Variants in DIP2C observed in about 807,000 individuals in gnomAD.
The protein encoded by DIP2C is disco-interacting protein 2 homolog C.
DIP2C carries 33 observed loss-of-function variants against 192.4 expected under a neutral mutation model. That is an observed-to-expected ratio of 0.17 (90% confidence interval 0.13 to 0.23). The LOEUF is 0.23. Ranked by LOEUF, DIP2C falls within the 10% of genes least tolerant of loss-of-function variation. DIP2C has a pLI of 1.00. For synonymous variants in DIP2C, 979 were observed against 864.1 expected (o/e 1.13, Z -2.33); for missense variants, 1,537 against 2,110.1 (o/e 0.73, Z 5.32).
At chr10:670,332 G>A (rs1830567914) in intron 1 of DIP2C, among the ~76,000 whole-genome samples, 1 of 151,956 alleles carries the variant, frequency 6.6e-6, no homozygotes, top group Admixed American at 6.6e-5. Flanking sequence ...ACATGCACAT[G>A]CGCACGCGTA....
At chr10:279,466 G>T (rs545411695) in intron 36 of DIP2C, among the ~76,000 whole-genome samples, 1 of 152,192 alleles carries the variant, frequency 6.6e-6, no homozygotes, top group African/African-American at 2.4e-5. Flanking sequence ...CCTATGGGGT[G>T]GTGCCAGTGA....
chr10:484,079 G>A (rs972427763), intron 2 of DIP2C, among the ~76,000 whole-genome samples: 4 of 152,198 alleles, frequency 2.6e-5, no homozygotes, highest in Admixed American at 1.3e-4. Context: ...CAAGTGCTGG[G>A]ATCACAGGCG....
rs1847622014 is a variant in DIP2C at position 535,054 on chromosome 10, G to A, written c.86-48524C>T. Among the ~76,000 whole-genome samples, 5 of 152,158 alleles carry A rather than the reference G, an allele frequency of 3.3e-5. No individual in the cohort carries two copies. The South Asian group carries it at 8.3e-4, about 25-fold the overall frequency. On this transcript the variant is annotated intron_variant, in intron 1 of 36. Transcript: ENST00000280886. ...ACAAGAAGTCAGCCTGGGTTGAGGGGAGGCAGGAACTGACCCCTCTCTCCC... is the reference window on the plus strand; with the variant it reads ...ACAAGAAGTCAGCCTGGGTTGAGGGAAGGCAGGAACTGACCCCTCTCTCCC...
At chr10:412,771 C>T (rs1045359692) in intron 8 of DIP2C, among the ~76,000 whole-genome samples, 2 of 152,178 alleles carry the variant, frequency 1.3e-5, no homozygotes, top group African/African-American at 4.8e-5. Context: ...TCCTTTCCTA[C>T]CTGCAATCAG....
At chr10:665,089 A>C (rs193089383) in intron 1 of DIP2C, 15 of 152,320 alleles carry the variant, frequency 9.8e-5, no homozygotes, top group Non-Finnish European at 2.2e-4. Context: ...AATTTAAAAA[A>C]ACAAAACAAA....
chr10:359,089 C>T (rs752144843), intron 22 of DIP2C, among the ~76,000 whole-genome samples: 3 of 152,030 alleles, frequency 2.0e-5, no homozygotes, highest in Non-Finnish European at 2.9e-5. Context: ...CAAAAACAGA[C>T]ACACGTGCCC....
intron 29 of DIP2C, among the ~76,000 whole-genome samples, chr10:334,304 C>CAAAAAAA (rs35031456): frequency 8.5e-5 from 7 of 82,394 alleles, no homozygotes; most frequent in African/African-American, 2.6e-4. Context: ...AAGACTGTCT[C>CAAAAAAA]AAAAAAAAAA....
chr10:414,100 C>T lies in DIP2C; in HGVS notation c.870G>A (p.Pro290=), dbSNP rs781439681. 1.4e-5 allele frequency: 22 copies of T among 1,611,454 alleles called. No individual in the cohort carries two copies. The highest frequency in any genetic ancestry group is 1.6e-4 in the Middle Eastern group (1 of 6,076). The stretch of plus-strand genomic sequence containing the variant: ...CCTCCGGCTTTGGTTGGTTCGGATC[C>T]GGTTGTTGAACTAAATCGTTTGAAT... ...DFEELLEVQQ[P]DPNQPKPEGA... Residue 290 remains proline (P), a synonymous_variant, in exon 8 of 37, where the codon CCG becomes CCA. Transcript: ENST00000280886.
chr10:437,316 A>C (rs1457189452), intron 4 of DIP2C, among the ~76,000 whole-genome samples: 1 of 140,222 alleles, frequency 7.1e-6, no homozygotes, highest in Non-Finnish European at 1.5e-5. Context: ...CTGAGCTCTG[A>C]GCTCCACCTC....
At chr10:416,493 G>T (rs1965644034) in intron 6 of DIP2C, among the ~76,000 whole-genome samples, 1 of 152,132 alleles carries the variant, frequency 6.6e-6, no homozygotes, top group African/African-American at 2.4e-5. Context: ...AACCCACGCA[G>T]CTCAGCCCAC....
chr10:522,348 T>G (rs1846766740), intron 1 of DIP2C, among the ~76,000 whole-genome samples: 2 of 152,268 alleles, frequency 1.3e-5, no homozygotes, highest in Non-Finnish European at 2.9e-5. Flanking sequence ...TTGGTTGCTT[T>G]CAAGTTTTGG....
chr10:653,683 T>G (rs1856097858), intron 1 of DIP2C, among the ~76,000 whole-genome samples: 2 of 152,208 alleles, frequency 1.3e-5, no homozygotes, highest in African/African-American at 4.8e-5. Flanking sequence ...ACAGAATACA[T>G]TTCTTTGGGT....
At chr10:516,027 T>TC (rs1221327644) in intron 1 of DIP2C, among the ~76,000 whole-genome samples, 1 of 151,180 alleles carries the variant, frequency 6.6e-6, no homozygotes, top group Non-Finnish European at 1.5e-5. Flanking sequence ...TGAAGGGGCT[T>TC]CCCCAGGAAG....
chr10:445,405 T>C (rs1303098858), intron 3 of DIP2C, among the ~76,000 whole-genome samples: 6 of 152,040 alleles, frequency 3.9e-5, no homozygotes, highest in Non-Finnish European at 8.8e-5. Context: ...TATATATTGG[T>C]TGCAAAGAGT....
At chr10:559,564 C>A (rs564359327) in intron 1 of DIP2C, among the ~76,000 whole-genome samples, 1 of 152,322 alleles carries the variant, frequency 6.6e-6, no homozygotes, top group Admixed American at 6.5e-5. Flanking sequence ...AGATGCAACA[C>A]TGGGCTTTCT....
In DIP2C at chr10:689,262, G is replaced by T. The variant is rs1319096116; in HGVS notation, c.85+232C>A. On this transcript the variant is annotated intron_variant, in intron 1 of 36. Coordinates refer to ENST00000280886, the MANE Select transcript of DIP2C (RefSeq NM_014974.3). The surrounding 1 kb of genome is among the most constrained non-coding windows in gnomAD (Gnocchi z 6.1). Reference sequence around the variant, plus strand: ...CAGGCCCCACAGACACCCCCAGGGCGCGGGGAATCGCGGCCCCACAAACGT... The same window carrying T: ...CAGGCCCCACAGACACCCCCAGGGCTCGGGGAATCGCGGCCCCACAAACGT... Among the ~76,000 whole-genome samples, 9 of 151,470 alleles carry T rather than the reference G, an allele frequency of 5.9e-5. No homozygotes were observed. In the South Asian group the frequency reaches 1.7e-3, roughly 28 times the overall value.
chr10:451,388 C>T (rs1968834553), intron 3 of DIP2C, among the ~76,000 whole-genome samples: 1 of 152,196 alleles, frequency 6.6e-6, no homozygotes, highest in Non-Finnish European at 1.5e-5. Context: ...CCCTTCAGTG[C>T]CCAGAATAAT....
At chr10:286,229 C>T in intron 34 of DIP2C, 44 bp downstream of exon 34, 2 of 1,591,018 alleles carry the variant, frequency 1.3e-6, no homozygotes, top group Non-Finnish European at 1.7e-6. Context: ...GCCAAGGATA[C>T]ATAACAGAAA....
At chr10:331,904 C>T (rs1484978434) in intron 29 of DIP2C, among the ~76,000 whole-genome samples, 1 of 152,106 alleles carries the variant, frequency 6.6e-6, no homozygotes, top group East Asian at 1.9e-4. Context: ...TGTAACATAA[C>T]ATTTACCATA....
Sources: allele counts gnomAD v4.1 joint callset (sites outside exome capture counted in the v4.1 genomes callset), GRCh38; gene constraint gnomAD v4.1.1; non-coding constraint Gnocchi (gnomAD v3.1); transcripts MANE v1.5; gene names NCBI Gene and HGNC (gene_info 2026-07-23, HGNC 2026-07-21).